The following PRRG1 variants were observed in gnomAD, a reference collection of about 807,000 sequenced individuals.
PRRG1 encodes proline rich and Gla domain 1.
Under a neutral mutation model 11.8 loss-of-function variants are expected in PRRG1, and 5 were observed. The observed-to-expected ratio is 0.42, with a 90% CI of 0.22 to 0.89. The LOEUF (loss-of-function observed/expected upper bound fraction) is 0.89. PRRG1 is among the 40% of genes least tolerant of loss of function. The probability of loss-of-function intolerance (pLI) is 0.28; values close to 1 mark genes in which losing one functional copy is unlikely to be tolerated. For synonymous variants in PRRG1, 66 were observed against 60.4 expected (o/e 1.09, Z -0.43); for missense variants, 155 against 166.1 (o/e 0.93, Z 0.37).
chrX:37,367,792 A>G (rs1930626069), intron 1 of PRRG1, among the ~76,000 whole-genome samples: 1 of 112,482 alleles, frequency 8.9e-6, no homozygotes, highest in African/African-American at 3.2e-5. Context: ...TCTTCTTCAA[A>G]TAGAGATATT....
intron 1 of PRRG1, among the ~76,000 whole-genome samples, chrX:37,368,367 C>T (rs1375394503): frequency 1.8e-5 from 2 of 111,704 alleles, no homozygotes; most frequent in Non-Finnish European, 3.8e-5. Context: ...ATTATGGGAT[C>T]CGTATGCATT....
chrX:37,427,014 G>A (rs1199644288), intron 3 of PRRG1, among the ~76,000 whole-genome samples: 1 of 111,612 alleles, frequency 9.0e-6, no homozygotes, highest in East Asian at 2.8e-4. Flanking sequence ...AAGAAAAATA[G>A]GATTGTAGTA....
chrX:37,452,204 T>G (rs1488152319), intron 3 of PRRG1, among the ~76,000 whole-genome samples: 1 of 112,211 alleles, frequency 8.9e-6, no homozygotes, highest in Non-Finnish European at 1.9e-5. Context: ...AAGCAGAGAT[T>G]TGATTATAAT....
intron 1 of PRRG1, among the ~76,000 whole-genome samples, chrX:37,405,999 T>C (rs1932178744): frequency 8.9e-6 from 1 of 111,998 alleles, no homozygotes; most frequent in Non-Finnish European, 1.9e-5. Flanking sequence ...TAAGTTGATA[T>C]AGAGCCCCTG....
At chrX:37,400,209 C>T (rs782267914) in intron 1 of PRRG1, among the ~76,000 whole-genome samples, 9 of 111,098 alleles carry the variant, frequency 8.1e-5, no homozygotes, top group African/African-American at 3.0e-4. Context: ...ACACCTATTC[C>T]AAAATTGTAC....
At chrX:37,423,162 C>G (rs1357930627) in intron 2 of PRRG1, among the ~76,000 whole-genome samples, 1 of 109,768 alleles carries the variant, frequency 9.1e-6, no homozygotes, top group East Asian at 2.8e-4. Context: ...TAATTTTTAA[C>G]AAAAAAGTTA....
intron 3 of PRRG1, among the ~76,000 whole-genome samples, chrX:37,445,953 A>C (rs146165785): frequency 0.034 from 3,853 of 112,462 alleles, 137 homozygotes; most frequent in African/African-American, 0.11. Context: ...AATATTTACT[A>C]TCTAGTTCTT....
chrX:37,394,351 G>A (rs1556377532), intron 1 of PRRG1, among the ~76,000 whole-genome samples: 1 of 111,644 alleles, frequency 9.0e-6, no homozygotes, highest in African/African-American at 3.3e-5. Context: ...TCCAGGGAGC[G>A]CCTGATCTCT....
intron 1 of PRRG1, among the ~76,000 whole-genome samples, chrX:37,368,839 G>C (rs1556370120): frequency 9.4e-6 from 1 of 106,070 alleles, no homozygotes; most frequent in Non-Finnish European, 1.9e-5. Context: ...TACTTTTTTT[G>C]ATAGTGGCTG....
At chrX:37,422,244 T>C (rs1203846211) in intron 2 of PRRG1, among the ~76,000 whole-genome samples, 2 of 112,140 alleles carry the variant, frequency 1.8e-5, no homozygotes, top group Non-Finnish European at 3.8e-5. Context: ...TTAATGTTGA[T>C]TGATTTATCT....
chrX:37,421,892 T>C (rs1602021747), intron 2 of PRRG1, among the ~76,000 whole-genome samples: 1 of 112,239 alleles, frequency 8.9e-6, no homozygotes, highest in East Asian at 2.8e-4. Context: ...AGATTCTTAC[T>C]TTAAGTGATA....
intron 2 of PRRG1, among the ~76,000 whole-genome samples, chrX:37,413,082 A>G (rs1204580270): frequency 2.7e-5 from 3 of 111,131 alleles, no homozygotes; most frequent in Non-Finnish European, 5.7e-5. Context: ...ATCCCTTCCC[A>G]TTATCAACAT....
chrX:37,437,981 G>A (rs919776676), intron 3 of PRRG1, among the ~76,000 whole-genome samples: 1 of 110,053 alleles, frequency 9.1e-6, no homozygotes, highest in Admixed American at 9.7e-5. Flanking sequence ...GCTGAGGTGG[G>A]CAGATCACGT....
At chrX:37,398,842 C>G (rs1343096683) in intron 1 of PRRG1, among the ~76,000 whole-genome samples, 2 of 111,147 alleles carry the variant, frequency 1.8e-5, no homozygotes, top group African/African-American at 6.6e-5. Context: ...ATGCAGAAGC[C>G]TCAGGAGCCG....
chrX:37,431,841 C>G (rs1932830421), intron 3 of PRRG1, among the ~76,000 whole-genome samples: 1 of 110,135 alleles, frequency 9.1e-6, no homozygotes, highest in East Asian at 2.8e-4. Context: ...AATCTCGGCT[C>G]ATGGCAACCT....
At chrX:37,435,320 A>G (rs1556391680) in intron 3 of PRRG1, among the ~76,000 whole-genome samples, 1 of 111,952 alleles carries the variant, frequency 8.9e-6, no homozygotes, top group East Asian at 2.8e-4. Flanking sequence ...TGATTATATA[A>G]TGATATAAAT....
chrX:37,430,268 C>G (rs189747380), intron 3 of PRRG1, among the ~76,000 whole-genome samples: 3,468 of 110,378 alleles, frequency 0.031, 128 homozygotes, highest in African/African-American at 0.11. Context: ...AAAAAAAAAT[C>G]ACACATATGT....
intron 1 of PRRG1, among the ~76,000 whole-genome samples, chrX:37,374,509 C>T (rs1248438834): frequency 9.0e-6 from 1 of 111,217 alleles, no homozygotes; most frequent in Non-Finnish European, 1.9e-5. Flanking sequence ...CATTCTATCT[C>T]CTCTTCTACT....
At chrX:37,432,318 C>A (rs1932839508) in intron 3 of PRRG1, among the ~76,000 whole-genome samples, 1 of 99,970 alleles carries the variant, frequency 1.0e-5, no homozygotes, top group African/African-American at 4.6e-5. Flanking sequence ...GATCTCCTGA[C>A]CTCATGATCC....
Sources: gnomAD v4.1 joint callset for allele counts (sites outside exome capture counted in the v4.1 genomes callset) on GRCh38, gnomAD v4.1.1 for gene constraint, MANE v1.5 for transcripts, NCBI Gene and HGNC (gene_info 2026-07-23, HGNC 2026-07-21) for gene names.